NELL1: variants seen among roughly 807,000 people sequenced by gnomAD.
NELL1 encodes protein kinase C-binding protein NELL1.
NELL1 carries 76 observed loss-of-function variants against 107.4 expected under a neutral mutation model. That is an observed-to-expected ratio of 0.71 (90% CI 0.59 to 0.86). The LOEUF (loss-of-function observed/expected upper bound fraction) is 0.86. Among genes scored for constraint, NELL1 ranks in the 40% least tolerant of loss-of-function variants. NELL1 has a pLI of 0.00. For missense variants in NELL1, 1,024 were observed against 1,005.5 expected (o/e 1.02, Z -0.25); for synonymous variants, 353 against 341.2 (o/e 1.03, Z -0.38).
chr11:21,058,911 G>A (rs1853672273), intron 12 of NELL1, among the ~76,000 whole-genome samples: 1 of 152,018 alleles, frequency 6.6e-6, no homozygotes, highest in South Asian at 2.1e-4. Context: ...TTGGTTTTGT[G>A]TCAAGTTCCA....
intron 16 of NELL1, among the ~76,000 whole-genome samples, chr11:21,541,206 A>G (rs76095789): frequency 0.012 from 1,854 of 152,230 alleles, 39 homozygotes; most frequent in East Asian, 0.077. Flanking sequence ...GATGACATAC[A>G]GCTATTCTTA....
intron 15 of NELL1, among the ~76,000 whole-genome samples, chr11:21,379,819 A>G (rs1427813458): frequency 3.3e-5 from 5 of 152,112 alleles, no homozygotes; most frequent in African/African-American, 9.7e-5. Flanking sequence ...AAGAATGATC[A>G]GAAACAAAGA....
intron 14 of NELL1, among the ~76,000 whole-genome samples, chr11:21,328,019 A>C (rs907142208): frequency 2.6e-5 from 4 of 152,072 alleles, no homozygotes; most frequent in Non-Finnish European, 5.9e-5. Context: ...AGAAAAGAAA[A>C]CCCTATTTTC....
intron 14 of NELL1, among the ~76,000 whole-genome samples, chr11:21,356,787 C>A (rs575375802): frequency 5.9e-5 from 9 of 152,234 alleles, no homozygotes; most frequent in South Asian, 2.1e-4. Context: ...AATGTGTAGT[C>A]TTTTATCCCT....
intron 15 of NELL1, among the ~76,000 whole-genome samples, chr11:21,427,355 G>C (rs1029081037): frequency 9.2e-5 from 14 of 152,188 alleles, no homozygotes; most frequent in African/African-American, 3.4e-4. Flanking sequence ...GATGAGGACA[G>C]ATGCACTTCT....
chr11:20,693,666 G>A (rs1298069415), intron 2 of NELL1, among the ~76,000 whole-genome samples: 3 of 152,082 alleles, frequency 2.0e-5, no homozygotes, highest in Admixed American at 6.6e-5. Context: ...CTGTTAGTCT[G>A]ATGGGCTTCC....
chr11:20,955,916 C>T (rs1851160725), intron 11 of NELL1, among the ~76,000 whole-genome samples: 1 of 152,038 alleles, frequency 6.6e-6, no homozygotes, highest in Non-Finnish European at 1.5e-5. Flanking sequence ...AAGCCAGGAA[C>T]TGTAATTAAC....
intron 15 of NELL1, among the ~76,000 whole-genome samples, chr11:21,503,469 T>C (rs1009134814): frequency 3.3e-5 from 5 of 152,188 alleles, no homozygotes; most frequent in Non-Finnish European, 7.3e-5. Flanking sequence ...TCTTGTTCTG[T>C]CTCACTTTTG....
intron 13 of NELL1, among the ~76,000 whole-genome samples, chr11:21,198,224 G>A (rs932037862): frequency 6.6e-6 from 1 of 152,208 alleles, no homozygotes; most frequent in African/African-American, 2.4e-5. Flanking sequence ...TGGAAGCTGG[G>A]TTCTGAGAAG....
At chr11:21,336,518 A>G (rs1004652386) in intron 14 of NELL1, among the ~76,000 whole-genome samples, 2 of 151,940 alleles carry the variant, frequency 1.3e-5, no homozygotes, top group Non-Finnish European at 2.9e-5. Context: ...CCCCACAAAA[A>G]AAAGAAGGAC....
intron 12 of NELL1, among the ~76,000 whole-genome samples, chr11:21,101,709 G>T (rs1411198280): frequency 6.6e-6 from 1 of 152,060 alleles, no homozygotes; most frequent in Non-Finnish European, 1.5e-5. Flanking sequence ...TTGTAAGTTT[G>T]TTTGAGTTCA....
chr11:20,755,920 T>G (rs1856274605), intron 2 of NELL1, among the ~76,000 whole-genome samples: 2 of 132,504 alleles, frequency 1.5e-5, no homozygotes, highest in African/African-American at 3.1e-5. Context: ...TGAGACGGAG[T>G]CTCGCTCTGT....
intron 11 of NELL1, among the ~76,000 whole-genome samples, chr11:20,956,645 CAAAAA>C (rs541321546): frequency 2.2e-5 from 2 of 89,486 alleles, no homozygotes; most frequent in South Asian, 3.5e-4. Context: ...GACTCCATCT[CAAAAA>C]AAAAAAAAAA....
chr11:21,452,713 T>TAA (rs1206830064), intron 15 of NELL1, among the ~76,000 whole-genome samples: 1 of 151,992 alleles, frequency 6.6e-6, no homozygotes, highest in African/African-American at 2.4e-5. Flanking sequence ...ACTTTGTGTA[T>TAA]AAGTTTTTCT....
intron 13 of NELL1, among the ~76,000 whole-genome samples, chr11:21,204,072 C>G (rs960036223): frequency 2.6e-5 from 4 of 152,126 alleles, no homozygotes; most frequent in Admixed American, 6.6e-5. Flanking sequence ...CTTGGTGAAT[C>G]TGACAATTAT....
intron 12 of NELL1, among the ~76,000 whole-genome samples, chr11:21,003,249 A>G (rs547824441): frequency 6.6e-6 from 1 of 151,676 alleles, no homozygotes; most frequent in Admixed American, 6.6e-5. Flanking sequence ...TTCTTTTCTG[A>G]AAAAATGTGT....
rs958325432 is a variant in NELL1 at position 21,185,667 on chromosome 11, TGA to T, written c.1427-43662_1427-43661del. ...AAGCCTCGGTTTTAGTTTTCAAAATTGAGATCCTGCTTCCCAGCTCACAGGGT... is the reference window on the plus strand; with the variant it reads ...AAGCCTCGGTTTTAGTTTTCAAAATTGATCCTGCTTCCCAGCTCACAGGGT... On this transcript the variant is annotated intron_variant, in intron 13 of 19. Coordinates refer to ENST00000357134, the MANE Select transcript of NELL1 (RefSeq NM_006157.5). 3.5e-4 allele frequency among the ~76,000 whole-genome samples: 53 copies of T among 151,864 alleles called. 3 individuals carry two copies. The highest frequency in any genetic ancestry group is 1.2e-3 in the African/African-American group (50 of 41,192).
chr11:21,340,971 T>C (rs1427001234), intron 14 of NELL1, among the ~76,000 whole-genome samples: 1 of 152,186 alleles, frequency 6.6e-6, no homozygotes, highest in African/African-American at 2.4e-5. Context: ...TCTCTTATTC[T>C]TGCTGTCATT....
At chr11:21,264,348 A>G (rs1200556802) in intron 14 of NELL1, among the ~76,000 whole-genome samples, 1 of 151,874 alleles carries the variant, frequency 6.6e-6, no homozygotes, top group Non-Finnish European at 1.5e-5. Flanking sequence ...CATTTTGCAG[A>G]TGGAGATAAA....
Sources: gnomAD v4.1 joint callset for allele counts (sites outside exome capture counted in the v4.1 genomes callset) on GRCh38, gnomAD v4.1.1 for gene constraint, MANE v1.5 for transcripts, NCBI Gene and HGNC (gene_info 2026-07-23, HGNC 2026-07-21) for gene names.